Variants in MIER2 observed in about 807,000 individuals in gnomAD.
MIER2 encodes the protein MIER family member 2, also known as mesoderm induction early response protein 2.
A neutral mutation model predicts 67.6 loss-of-function variants in MIER2; 30 were observed. The observed-to-expected ratio is 0.44, with a 90% CI of 0.33 to 0.60. MIER2 has a LOEUF of 0.60. Among genes scored for constraint, MIER2 ranks in the 20% least tolerant of loss-of-function variants. The pLI is 0.02. For synonymous variants in MIER2, 372 were observed against 312.6 expected (o/e 1.19, Z -2.00); for missense variants, 702 against 745.1 (o/e 0.94, Z 0.67).
chr19:316,721 A>G (rs115661680), intron 7 of MIER2, among the ~76,000 whole-genome samples: 6,749 of 152,306 alleles, frequency 0.044, 252 homozygotes, highest in African/African-American at 0.097. Context: ...TCACTCCTGT[A>G]ATGTCAGCAC....
At chr19:313,730 C>T (rs1555688441) in intron 7 of MIER2, 87 bp from the exon 8 acceptor site, 2 of 1,531,012 alleles carry the variant, frequency 1.3e-6, no homozygotes, top group Non-Finnish European at 1.8e-6. Flanking sequence ...CAACTCAGCC[C>T]CTGACAGGGA....
At chr19:340,146 T>C (rs965528534) in intron 1 of MIER2, among the ~76,000 whole-genome samples, 1 of 152,168 alleles carries the variant, frequency 6.6e-6, no homozygotes, top group Non-Finnish European at 1.5e-5. Context: ...CTCAAAGAGA[T>C]AGAGTCAGTT....
chr19:310,508 A>G lies in MIER2; in HGVS notation c.984+1337T>C, dbSNP rs879820354. Among the ~76,000 whole-genome samples the G allele has an allele frequency of 4.1e-4, 18 of 43,814 alleles. No individual in the cohort carries two copies. The East Asian group carries it at 0.017, about 40-fold the overall frequency. The allele number at this position is 43,814 out of a possible 152,430, so 28.7% of individuals were successfully genotyped here. A position where few individuals can be genotyped will look rare whatever the true frequency, so the allele number is the denominator to read the frequency against. On this transcript the variant is annotated intron_variant, in intron 10 of 13. Transcript: ENST00000264819. ...TCCAGAAACACGGCCGGGAGTTACA[A>G]AAACGCGGCCCTGAGCTATAGAAAC...
Position 326,520 on chromosome 19 carries a change from T to C in MIER2, c.572A>G (p.Asn191Ser). ...SDTEEDSLPA[N>S]KCKKEIMVGP... ...AGAACCACGTACCTTCTTACATTTG[T>C]TGGCAGGAAGAGAGTCCTCCTCGGT... The change falls in exon 6 of 14, where the codon AAC becomes AGC. Residue 191 changes from asparagine to serine, a missense_variant. Transcript: ENST00000264819. The C allele has an allele frequency of 6.2e-7, 1 of 1,613,860 alleles. No individual in the cohort carries two copies. The highest frequency in any genetic ancestry group is 8.5e-7 in the Non-Finnish European group (1 of 1,179,764).
At chr19:325,813 C>A in intron 6 of MIER2, 109 bp from the exon 7 acceptor site, 1 of 1,200,770 alleles carries the variant, frequency 8.3e-7, no homozygotes, top group Admixed American at 1.8e-5. Flanking sequence ...ACTGTCCAGA[C>A]CCCAGACCCA....
intron 7 of MIER2, among the ~76,000 whole-genome samples, chr19:317,219 C>A (rs146285525): frequency 3.5e-4 from 54 of 152,124 alleles, no homozygotes; most frequent in African/African-American, 1.2e-3. Context: ...ATGGAGACAA[C>A]CCATCTCTAC....
Position 334,544 on chromosome 19 carries a change from TG to T in MIER2, c.101-3del, listed in dbSNP as rs1223470881. ...GGTCTCCAGAGCCCATGGACACCAC[TG>T]GGGAGAAGAGAGCAGCCCAGGTGAG... On this transcript the variant is annotated splice_region_variant and splice_polypyrimidine_tract_variant and intron_variant, in intron 2 of 13. Transcript: ENST00000264819. 3.1e-6 allele frequency: 5 copies of T among 1,613,414 alleles called. No individual in the cohort carries two copies. In the African/African-American group the frequency reaches 4.0e-5, roughly 13 times the overall value.
intron 1 of MIER2, chr19:343,735 G>T (rs570417690): frequency 2.1e-5 from 14 of 670,364 alleles, no homozygotes; most frequent in Non-Finnish European, 2.2e-5. Context: ...CCCGCCTGTC[G>T]TAACTTCTGC....
Position 307,324 on chromosome 19 carries a change from C to T in MIER2, c.1411G>A (p.Ala471Thr), listed in dbSNP as rs779911405. ...TCCTTGGGCAGGGCGAAGTCCACGG[C>T]CAGCCTTGGGCTGGCGTCTGGCTCC... Reference protein sequence around the residue: ...APEPDASPRLAVDFALPKELP... With the variant: ...APEPDASPRLTVDFALPKELP... Residue 471 changes from alanine to threonine, a missense_variant, in exon 13 of 14, where the codon GCC becomes ACC. Around this residue, in one of 3 missense-constraint regions of MIER2, gnomAD observed 254 missense variants for 262.8 expected, o/e 0.97. Transcript: ENST00000264819. 22 of 1,601,682 alleles carry T rather than the reference C, an allele frequency of 1.4e-5. No homozygotes were observed. In the African/African-American group the frequency reaches 1.5e-4, roughly 11 times the overall value.
chr19:308,980 T>C lies in MIER2; in HGVS notation c.985-55A>G. On this transcript the variant is annotated intron_variant, in intron 10 of 13. Transcript: ENST00000264819. This position sits in a 1 kb window ranked among gnomAD's most constrained non-coding sequence, Gnocchi z 9.1. ...TCCCCGGCTGCCCAGCCCCAGCACC[T>C]GCACCACGATCCCAGGACGTCCTGG... The C allele has an allele frequency of 6.4e-7, 1 of 1,568,480 alleles. No individual in the cohort carries two copies.
chr19:307,944 T>A (rs912852680), intron 12 of MIER2, among the ~76,000 whole-genome samples: 15 of 127,588 alleles, frequency 1.2e-4, no homozygotes, highest in African/African-American at 4.2e-4. Flanking sequence ...GCAAGGGGCC[T>A]CACCACAATT....
At position 344,793 on chromosome 19, in the gene MIER2, G is replaced by T; in HGVS notation, c.-11C>A. 8.3e-7 allele frequency: 1 copy of T among 1,198,324 alleles called. No individual in the cohort carries two copies. Among genetic ancestry groups the T allele is most frequent in the Middle Eastern group, 3.3e-4 (1 of 3,004 alleles). 74.2% of individuals were successfully genotyped at this position (1,198,324 alleles called of 1,614,324 possible). A position where few individuals can be genotyped will look rare whatever the true frequency, so the allele number is the denominator to read the frequency against. The stretch of plus-strand genomic sequence containing the variant: ...ACTCACCTCCGCCATGGCCGTGTGT[G>T]CGCGGGAGGCGGTGGCCGCGCCGGG... On this transcript the variant is annotated 5_prime_UTR_variant, in exon 1 of 14. Transcript: ENST00000264819.
intron 7 of MIER2, among the ~76,000 whole-genome samples, chr19:323,529 C>T (rs565479332): frequency 1.3e-5 from 2 of 151,346 alleles, no homozygotes; most frequent in South Asian, 2.1e-4. Flanking sequence ...ATGACACAGA[C>T]GTCATCACAA....
In MIER2 at chr19:313,627, G is replaced by T. The variant is rs756945387; in HGVS notation, c.672C>A (p.Asp224Glu). Residue 224 changes from aspartate (D) to glutamate (E), a missense_variant, in exon 8 of 14, where the codon GAC becomes GAA. By Grantham distance (45) the Asp-to-Glu change is conservative. This residue lies in a region of MIER2 where 320 missense variants were observed against 292.6 expected (regional missense o/e 1.09). Transcript: ENST00000264819. ...GGACGCTGGGGTCCCAGAGCAGCTG[G>T]TCTTCGTTCTCGTAGACTGCACAAG... ...RHCEKIYENE[D>E]QLLWDPSVLP... 6.2e-7 allele frequency: 1 copy of T among 1,612,128 alleles called. No homozygotes were observed.
rs746504417 is a variant in MIER2 at position 307,485 on chromosome 19, G to A, written c.1250C>T (p.Ala417Val). Reference sequence around the variant, plus strand: ...CTCCGAGGACGGGAGTCCATCAGAGGCCACTCCGGGCTCATCGAGACCACC... The same window carrying A: ...CTCCGAGGACGGGAGTCCATCAGAGACCACTCCGGGCTCATCGAGACCACC... ...TAGGLDEPGV[A>V]SDGLPSSEPG... The change falls in exon 13 of 14, where the codon GCC becomes GTC. Residue 417 changes from alanine (A) to valine (V), a missense_variant. Physicochemically the swap from Ala to Val is moderately conservative, Grantham distance 64. This residue lies in a region of MIER2 where 254 missense variants were observed against 262.8 expected (regional missense o/e 0.97). Coordinates refer to ENST00000264819, the MANE Select transcript of MIER2 (RefSeq NM_017550.3). 1 of 1,531,966 alleles carries A rather than the reference G, an allele frequency of 6.5e-7. No individual in the cohort carries two copies. The highest frequency in any genetic ancestry group is 1.3e-5 in the South Asian group (1 of 78,764). The allele number at this position is 1,531,966 out of a possible 1,614,324, so 94.9% of individuals were successfully genotyped here.
Position 307,336 on chromosome 19 carries a change from T to C in MIER2, c.1399A>G (p.Ser467Gly). The change falls in exon 13 of 14, where the codon AGC becomes GGC. Residue 467 changes from serine (S) to glycine (G), a missense_variant. Coordinates refer to ENST00000264819, the MANE Select transcript of MIER2 (RefSeq NM_017550.3). ...GCGAAGTCCACGGCCAGCCTTGGGC[T>C]GGCGTCTGGCTCCGGAGCAGTGACA... ...PAVTAPEPDA[S>G]PRLAVDFALP... 6.2e-7 allele frequency: 1 copy of C among 1,603,530 alleles called. No homozygotes were observed. The highest frequency in any genetic ancestry group is 8.5e-7 in the Non-Finnish European group (1 of 1,175,886).
chr19:317,036 T>C (rs947795534), intron 7 of MIER2, among the ~76,000 whole-genome samples: 1 of 152,082 alleles, frequency 6.6e-6, no homozygotes, highest in African/African-American at 2.4e-5. Context: ...AAACTAAAAC[T>C]TATAAGCTGA....
rs547386480 is a variant in MIER2 at position 326,983 on chromosome 19, C to G, written c.493+150G>C. 32 of 1,125,110 alleles carry G rather than the reference C, an allele frequency of 2.8e-5. No individual in the cohort carries two copies. The African/African-American group carries it at 4.6e-4, about 16-fold the overall frequency. The allele number at this position is 1,125,110 out of a possible 1,614,324, so 69.7% of individuals were successfully genotyped here. On this transcript the variant is annotated intron_variant, in intron 5 of 13. Transcript: ENST00000264819. ...GGCCAGCGTGGAGGAGAACAAAGCA[C>G]CCCCAGGGCTACTGACGCTTCCCGC...
chr19:330,174 A>G (rs990718284), intron 3 of MIER2: 3 of 152,244 alleles, frequency 2.0e-5, no homozygotes, highest in Non-Finnish European at 4.4e-5. Context: ...ACAGCTGACC[A>G]TAACTGCTGC....
Sources: gnomAD v4.1 joint callset for allele counts (sites outside exome capture counted in the v4.1 genomes callset) on GRCh38, gnomAD v4.1.1 for gene constraint, gnomAD v4.1.1 regional missense constraint, Gnocchi (gnomAD v3.1) non-coding constraint, MANE v1.5 for transcripts, NCBI Gene and HGNC (gene_info 2026-07-23, HGNC 2026-07-21) for gene names.